The following SLC25A17 variants were observed in gnomAD, a reference collection of about 807,000 sequenced individuals.
The protein encoded by SLC25A17 is peroxisomal membrane protein PMP34.
In SLC25A17, 26 loss-of-function variants were observed where a neutral mutation model predicts 38.5. The observed-to-expected ratio is 0.68, with a 90% CI of 0.50 to 0.94. SLC25A17 has a LOEUF of 0.94. Among genes scored for constraint, SLC25A17 ranks in the 40% least tolerant of loss-of-function variants. The pLI is 0.00. For missense variants in SLC25A17, 333 were observed against 372.7 expected (o/e 0.89, Z 0.88); for synonymous variants, 139 against 136.2 (o/e 1.02, Z -0.14).
chr22:40,789,470 TTC>T lies in SLC25A17; in HGVS notation c.334+3053_334+3054del, dbSNP rs1415857378. 6.6e-6 allele frequency among the ~76,000 whole-genome samples: 1 copy of T among 152,112 alleles called. No individual in the cohort carries two copies. The highest frequency in any genetic ancestry group is 1.5e-5 in the Non-Finnish European group (1 of 68,004). ...GGTCTCCCAACCATTTTCATTTTCT[TTC>T]TTTCCTTCTTTCCCTACCTTTTAAA... On this transcript the variant is annotated intron_variant, in intron 4 of 8. Coordinates refer to ENST00000435456, the MANE Select transcript of SLC25A17 (RefSeq NM_006358.4). The surrounding 1 kb of genome is among the most constrained non-coding windows in gnomAD (Gnocchi z 4.5).
At chr22:40,804,366 C>A (rs957181007) in intron 1 of SLC25A17, among the ~76,000 whole-genome samples, 6 of 152,020 alleles carry the variant, frequency 3.9e-5, no homozygotes, top group Admixed American at 1.3e-4. Flanking sequence ...GGAATGGGAT[C>A]CCTATTTTCT....
chr22:40,772,759 C>T (rs1021040647), intron 8 of SLC25A17, among the ~76,000 whole-genome samples: 1 of 151,898 alleles, frequency 6.6e-6, no homozygotes, highest in Non-Finnish European at 1.5e-5. Context: ...GCTTCAGCCT[C>T]GTGTGTAGCT....
intron 1 of SLC25A17, among the ~76,000 whole-genome samples, chr22:40,818,947 C>T (rs545728080): frequency 6.6e-6 from 1 of 152,224 alleles, no homozygotes; most frequent in South Asian, 2.1e-4. Context: ...CCTGAGCGGG[C>T]ACGTGTGAAC....
At chr22:40,815,611 A>G (rs1363566950) in intron 1 of SLC25A17, among the ~76,000 whole-genome samples, 5 of 152,256 alleles carry the variant, frequency 3.3e-5, no homozygotes, top group Non-Finnish European at 7.3e-5. Flanking sequence ...TACTTGAGAC[A>G]GAAATGAATA....
intron 4 of SLC25A17, among the ~76,000 whole-genome samples, chr22:40,785,377 CCTT>C (rs762936782): frequency 1.3e-4 from 20 of 152,174 alleles, no homozygotes; most frequent in Non-Finnish European, 2.5e-4. Context: ...GAGTGAGACT[CCTT>C]CTCAAAAAAC....
intron 2 of SLC25A17, chr22:40,797,275 TA>T: frequency 7.9e-7 from 1 of 1,266,598 alleles, no homozygotes; most frequent in Non-Finnish European, 1.0e-6. Context: ...TATTGAAAGC[TA>T]ATCTTACTCA....
At chr22:40,802,645 CA>C (rs199800471) in intron 1 of SLC25A17, among the ~76,000 whole-genome samples, 2 of 149,748 alleles carry the variant, frequency 1.3e-5, no homozygotes, top group Admixed American at 6.7e-5. Flanking sequence ...AACTCCTTCT[CA>C]AAAAAAAAGA....
chr22:40,806,070 TG>T (rs1219846540), intron 1 of SLC25A17, among the ~76,000 whole-genome samples: 2 of 152,194 alleles, frequency 1.3e-5, no homozygotes, highest in African/African-American at 2.4e-5. Context: ...AGCACCCAGC[TG>T]GAACAGGAAA....
Position 40,786,440 on chromosome 22 carries a change from AC to A in SLC25A17, c.334+6084del, listed in dbSNP as rs570980822. Among the ~76,000 whole-genome samples, 147 of 152,066 alleles carry A rather than the reference AC, an allele frequency of 9.7e-4. 1 individual carries two copies. Among genetic ancestry groups the A allele is most frequent in the African/African-American group, 3.4e-3 (139 of 41,466 alleles). ...ATATCTTAGGGGAAGTGGATCCAGGACCCCCTTGGATATCAAGATCCCCAGA... is the reference window on the plus strand; with the variant it reads ...ATATCTTAGGGGAAGTGGATCCAGGACCCCTTGGATATCAAGATCCCCAGA... On this transcript the variant is annotated intron_variant, in intron 4 of 8. Transcript: ENST00000435456.
chr22:40,770,655 CAATT>C lies in SLC25A17; in HGVS notation c.*175_*178del, dbSNP rs780048210. 149 of 470,596 alleles carry C rather than the reference CAATT, an allele frequency of 3.2e-4. No individual in the cohort carries two copies. Among genetic ancestry groups the C allele is most frequent in the Middle Eastern group, 5.8e-4 (1 of 1,716 alleles). The allele number at this position is 470,596 out of a possible 1,614,324, so 29.2% of individuals were successfully genotyped here. On this transcript the variant is annotated 3_prime_UTR_variant, in exon 9 of 9. Coordinates refer to ENST00000435456, the MANE Select transcript of SLC25A17 (RefSeq NM_006358.4). The stretch of plus-strand genomic sequence containing the variant: ...CCCAAAATCCAACCAGCCAGCATGA[CAATT>C]AAGGTGACAACAGGTCCAGTTGGCC...
At chr22:40,771,092 C>T in intron 8 of SLC25A17, 111 bp from the exon 9 acceptor site, 2 of 944,590 alleles carry the variant, frequency 2.1e-6, no homozygotes, top group Admixed American at 2.7e-5. Context: ...GATTTCAACA[C>T]AGACTTCTGT....
intron 3 of SLC25A17, among the ~76,000 whole-genome samples, chr22:40,792,965 C>T (rs1171103025): frequency 6.6e-6 from 1 of 152,024 alleles, no homozygotes; most frequent in African/African-American, 2.4e-5. Context: ...GAGACAACTT[C>T]CTCATGGCTG....
At chr22:40,771,980 CCTA>C (rs1204343575) in intron 8 of SLC25A17, among the ~76,000 whole-genome samples, 1 of 150,898 alleles carries the variant, frequency 6.6e-6, no homozygotes, top group Non-Finnish European at 1.5e-5. Flanking sequence ...AAAATATATA[CCTA>C]CTATGTACCC....
At chr22:40,816,006 G>C (rs1297667949) in intron 1 of SLC25A17, among the ~76,000 whole-genome samples, 2 of 152,112 alleles carry the variant, frequency 1.3e-5, no homozygotes, top group South Asian at 2.1e-4. Context: ...GACCAACATG[G>C]AGAAACCCCG....
intron 7 of SLC25A17, 83 bp downstream of exon 7, chr22:40,776,957 C>T: frequency 1.7e-6 from 2 of 1,188,490 alleles, no homozygotes; most frequent in Non-Finnish European, 2.5e-6. Context: ...TGCTTTATTG[C>T]TTTATTAACA....
intron 4 of SLC25A17, 77 bp downstream of exon 4, chr22:40,792,448 G>T (rs1440226461): frequency 8.3e-7 from 1 of 1,198,110 alleles, no homozygotes. Flanking sequence ...GCATTACTTT[G>T]GGCTAAATAA....
chr22:40,786,602 G>A (rs1411245630), intron 4 of SLC25A17, among the ~76,000 whole-genome samples: 3 of 152,148 alleles, frequency 2.0e-5, no homozygotes, highest in Non-Finnish European at 4.4e-5. Flanking sequence ...GTATTGTTTA[G>A]GGAATAATGA....
intron 1 of SLC25A17, among the ~76,000 whole-genome samples, chr22:40,805,429 C>G (rs1027247300): frequency 3.9e-5 from 6 of 152,196 alleles, no homozygotes; most frequent in African/African-American, 1.4e-4. Flanking sequence ...ACCCAACATT[C>G]CTGGCTTTGA....
intron 4 of SLC25A17, chr22:40,779,403 A>G (rs1391259250): frequency 5.5e-6 from 4 of 721,414 alleles, no homozygotes; most frequent in Non-Finnish European, 8.7e-6. Flanking sequence ...CTATTTGTCA[A>G]TTTATATACC....
Sources: allele counts gnomAD v4.1 joint callset (sites outside exome capture counted in the v4.1 genomes callset), GRCh38; gene constraint gnomAD v4.1.1; non-coding constraint Gnocchi (gnomAD v3.1); transcripts MANE v1.5; gene names NCBI Gene and HGNC (gene_info 2026-07-23, HGNC 2026-07-21).